Variants in NRXN3 observed in about 807,000 individuals in gnomAD.
NRXN3 encodes neurexin III.
NRXN3 carries 32 observed loss-of-function variants against 137.6 expected under a neutral mutation model. The observed-to-expected ratio is 0.23, with a 90% CI of 0.18 to 0.31. The LOEUF (loss-of-function observed/expected upper bound fraction) is 0.31. Ranked by LOEUF, NRXN3 falls within the 10% of genes least tolerant of loss-of-function variation. The probability of loss-of-function intolerance (pLI) is 1.00; values close to 1 mark genes in which losing one functional copy is unlikely to be tolerated. For synonymous variants in NRXN3, 798 were observed against 784.5 expected (o/e 1.02, Z -0.29); for missense variants, 1,574 against 2,062.5 (o/e 0.76, Z 4.59).
intron 3 of NRXN3, among the ~76,000 whole-genome samples, chr14:78,296,946 C>T (rs996948183): frequency 6.6e-6 from 1 of 152,118 alleles, no homozygotes; most frequent in African/African-American, 2.4e-5. Flanking sequence ...ATAACTGGTA[C>T]AATTGGTTCC....
chr14:79,364,732 T>G (rs1365072048), intron 15 of NRXN3, among the ~76,000 whole-genome samples: 1 of 152,228 alleles, frequency 6.6e-6, no homozygotes, highest in African/African-American at 2.4e-5. Flanking sequence ...TAATATAAGT[T>G]GAACATCTCA....
At chr14:79,478,478 G>A (rs2096579333) in intron 16 of NRXN3, among the ~76,000 whole-genome samples, 1 of 151,878 alleles carries the variant, frequency 6.6e-6, no homozygotes, top group African/African-American at 2.4e-5. Context: ...CCTCTTACCA[G>A]TATTCTGCAT....
intron 15 of NRXN3, chr14:79,279,829 C>G (rs2080957830): frequency 2.0e-6 from 2 of 996,140 alleles, no homozygotes; most frequent in African/African-American, 3.5e-5. Context: ...GTTCAAACTC[C>G]TTGGATGTTG....
chr14:79,617,708 G>A (rs1340558888), intron 16 of NRXN3, among the ~76,000 whole-genome samples: 1 of 151,982 alleles, frequency 6.6e-6, no homozygotes, highest in Admixed American at 6.6e-5. Flanking sequence ...TTTGCGAAAG[G>A]GATGTAGAAA....
intron 10 of NRXN3, among the ~76,000 whole-genome samples, chr14:78,912,223 A>C (rs2099240832): frequency 6.6e-6 from 1 of 151,134 alleles, no homozygotes; most frequent in African/African-American, 2.4e-5. Flanking sequence ...TTCCAGCTTC[A>C]TCCATGTCCC....
rs760214859 is a variant in NRXN3, at chr14:79,819,719, G to A, written c.4093+14529G>A. Among the ~76,000 whole-genome samples, 69 of 151,910 alleles carry A rather than the reference G, an allele frequency of 4.5e-4. 1 individual carries two copies. The highest frequency in any genetic ancestry group is 2.2e-4 in the Non-Finnish European group (15 of 67,962). ...AGACTGGTCTCGAACTCCTGACCTC[G>A]TGATTTGCCCCCCTCGGCCTCCCAA... On this transcript the variant is annotated intron_variant, in intron 20 of 20. Transcript: ENST00000335750.
chr14:79,323,199 A>G (rs2090326308), intron 15 of NRXN3, among the ~76,000 whole-genome samples: 1 of 152,004 alleles, frequency 6.6e-6, no homozygotes, highest in Non-Finnish European at 1.5e-5. Flanking sequence ...ATGCCCCACT[A>G]ATTTTTTTAT....
At chr14:79,572,276 G>A (rs2097612799) in intron 16 of NRXN3, among the ~76,000 whole-genome samples, 1 of 152,102 alleles carries the variant, frequency 6.6e-6, no homozygotes, top group African/African-American at 2.4e-5. Context: ...CAATGAACAG[G>A]ACAGCTGGTC....
At chr14:79,005,824 G>T (rs1329724929) in intron 15 of NRXN3, among the ~76,000 whole-genome samples, 1 of 151,384 alleles carries the variant, frequency 6.6e-6, no homozygotes, top group African/African-American at 2.4e-5. Flanking sequence ...TATTTTACTT[G>T]TACATTTCTT....
intron 10 of NRXN3, among the ~76,000 whole-genome samples, chr14:78,937,388 C>A (rs1477956443): frequency 1.3e-5 from 2 of 152,042 alleles, no homozygotes; most frequent in Admixed American, 6.6e-5. Context: ...TGTTTCTTTT[C>A]TAAGTGTTGC....
chr14:78,568,123 G>A (rs1450964527), intron 4 of NRXN3, among the ~76,000 whole-genome samples: 1 of 152,158 alleles, frequency 6.6e-6, no homozygotes, highest in African/African-American at 2.4e-5. Context: ...AGTTGGAAGT[G>A]GGGCTCATGT....
At position 78,714,753 on chromosome 14, in the gene NRXN3, C is replaced by T; in HGVS notation, c.1661-3C>T. The T allele has an allele frequency of 6.2e-7, 1 of 1,611,108 alleles. No homozygotes were observed. Among genetic ancestry groups the T allele is most frequent in the South Asian group, 1.1e-5 (1 of 91,002 alleles). On this transcript the variant is annotated splice_polypyrimidine_tract_variant and splice_region_variant and intron_variant, in intron 7 of 20. Coordinates refer to ENST00000335750, the MANE Select transcript of NRXN3 (RefSeq NM_001330195.2). ...TCACCTGAGATCTGTCTTCCCACCCCAGGTACTATATCAGTGAACAGCAGG... is the reference window on the plus strand; with the variant it reads ...TCACCTGAGATCTGTCTTCCCACCCTAGGTACTATATCAGTGAACAGCAGG...
At chr14:78,920,612 G>C (rs907621820) in intron 10 of NRXN3, among the ~76,000 whole-genome samples, 9 of 152,072 alleles carry the variant, frequency 5.9e-5, no homozygotes, top group African/African-American at 2.2e-4. Flanking sequence ...CAAGACTTCT[G>C]CTACTCTAGA....
chr14:78,300,611 GTC>G, intron 4 of NRXN3: 1 of 1,200,658 alleles, frequency 8.3e-7, no homozygotes, highest in Non-Finnish European at 1.2e-6. Context: ...CTCTCTCTCT[GTC>G]TCTCTCTGGC....
intron 15 of NRXN3, among the ~76,000 whole-genome samples, chr14:79,230,275 C>T (rs182005692): frequency 3.9e-5 from 6 of 152,168 alleles, no homozygotes; most frequent in Non-Finnish European, 8.8e-5. Flanking sequence ...TTGGCATCAC[C>T]ACCTCACATA....
At chr14:79,388,474 G>T (rs1024878805) in intron 15 of NRXN3, among the ~76,000 whole-genome samples, 2 of 152,036 alleles carry the variant, frequency 1.3e-5, no homozygotes, top group Non-Finnish European at 2.9e-5. Context: ...GCCCTTATGG[G>T]ACTCCTTCTG....
intron 20 of NRXN3, among the ~76,000 whole-genome samples, chr14:79,809,272 CTTTAT>C (rs1250257191): frequency 1.3e-5 from 2 of 151,974 alleles, no homozygotes; most frequent in African/African-American, 2.4e-5. Flanking sequence ...ATTTTTATTT[CTTTAT>C]TTTGAGACTG....
At chr14:78,735,614 C>T (rs976839784) in intron 8 of NRXN3, among the ~76,000 whole-genome samples, 1 of 152,002 alleles carries the variant, frequency 6.6e-6, no homozygotes, top group Non-Finnish European at 1.5e-5. Flanking sequence ...TGTAATTCAC[C>T]ATGACCTAAA....
chr14:78,658,699 G>A (rs1447736168), intron 6 of NRXN3, among the ~76,000 whole-genome samples: 1 of 152,202 alleles, frequency 6.6e-6, no homozygotes, highest in Non-Finnish European at 1.5e-5. Flanking sequence ...AGACCTTCTT[G>A]TAAATGTAGC....
Sources: gnomAD v4.1 joint callset for allele counts (sites outside exome capture counted in the v4.1 genomes callset) on GRCh38, gnomAD v4.1.1 for gene constraint, MANE v1.5 for transcripts, NCBI Gene and HGNC (gene_info 2026-07-23, HGNC 2026-07-21) for gene names.